The following KIF26B variants were observed in gnomAD, a reference collection of about 807,000 sequenced individuals.
The protein encoded by KIF26B is kinesin-like protein KIF26B.
In KIF26B, 63 loss-of-function variants were observed where a neutral mutation model predicts 151.2. That is an observed-to-expected ratio of 0.42 (90% CI 0.34 to 0.51). KIF26B has a LOEUF of 0.51. Ranked by LOEUF, KIF26B falls within the 20% of genes least tolerant of loss-of-function variation. The probability of loss-of-function intolerance (pLI) is 0.07; values close to 1 mark genes in which losing one functional copy is unlikely to be tolerated. For missense variants in KIF26B, 2,813 were observed against 2,913.6 expected, an observed-to-expected ratio of 0.97 and a Z score of 0.79; for synonymous variants, 1,357 against 1,262.1, an observed-to-expected ratio of 1.08 and a Z score of -1.59.
At chr1:245,638,318 C>T (rs756161831) in intron 9 of KIF26B, among the ~76,000 whole-genome samples, 10 of 151,712 alleles carry the variant, frequency 6.6e-5, no homozygotes, top group Non-Finnish European at 1.0e-4. Flanking sequence ...ACACATTTTG[C>T]GTGTTTATTT....
At chr1:245,307,009 G>C (rs1199215529) in intron 2 of KIF26B, among the ~76,000 whole-genome samples, 2 of 152,148 alleles carry the variant, frequency 1.3e-5, no homozygotes, top group Admixed American at 1.3e-4. Context: ...TTTCACAAGG[G>C]TCTTTCAAGA....
intron 3 of KIF26B, among the ~76,000 whole-genome samples, chr1:245,402,345 C>A (rs570591706): frequency 6.6e-6 from 1 of 152,322 alleles, no homozygotes; most frequent in East Asian, 1.9e-4. Flanking sequence ...TCATCTGAGT[C>A]CCTCCTGTCT....
intron 3 of KIF26B, among the ~76,000 whole-genome samples, chr1:245,414,033 A>G (rs1674357574): frequency 1.3e-5 from 2 of 152,230 alleles, no homozygotes; most frequent in South Asian, 4.1e-4. Context: ...ATCTGTATGC[A>G]TCCAGTAAAG....
intron 10 of KIF26B, among the ~76,000 whole-genome samples, chr1:245,674,420 C>T (rs938614826): frequency 2.6e-5 from 4 of 150,966 alleles, no homozygotes; most frequent in Non-Finnish European, 5.9e-5. Context: ...GGATCAAATA[C>T]GCACACATCT....
chr1:245,669,290 C>T (rs1047386593), intron 10 of KIF26B, among the ~76,000 whole-genome samples: 3 of 152,050 alleles, frequency 2.0e-5, no homozygotes, highest in Admixed American at 1.3e-4. Context: ...GGCTTCTGAA[C>T]CACAGATGCT....
At chr1:245,313,618 C>T (rs1671705329) in intron 2 of KIF26B, among the ~76,000 whole-genome samples, 1 of 152,226 alleles carries the variant, frequency 6.6e-6, no homozygotes. Context: ...TTCTGTGGAG[C>T]AGGCTCCCCT....
At chr1:245,366,794 G>A (rs757692666) in intron 2 of KIF26B, 40 bp from the exon 3 acceptor site, 3 of 1,598,020 alleles carry the variant, frequency 1.9e-6, no homozygotes, top group Non-Finnish European at 2.6e-6. Flanking sequence ...CAGCCTTGGA[G>A]TTATAGAATC....
intron 9 of KIF26B, among the ~76,000 whole-genome samples, chr1:245,637,954 A>G (rs1278599957): frequency 6.6e-6 from 1 of 151,692 alleles, no homozygotes; most frequent in East Asian, 1.9e-4. Context: ...CAGCCTGGTT[A>G]TTTTTGGTCA....
chr1:245,429,459 A>G (rs956580508), intron 4 of KIF26B, among the ~76,000 whole-genome samples: 1 of 152,172 alleles, frequency 6.6e-6, no homozygotes, highest in African/African-American at 2.4e-5. Context: ...TCGCCCTTAA[A>G]TCTCACCTGT....
At position 245,444,907 on chromosome 1, in the gene KIF26B, T is replaced by C. The variant is rs187273346; in HGVS notation, c.1166+25162T>C. On this transcript the variant is annotated intron_variant, in intron 4 of 14. Coordinates refer to ENST00000407071, the MANE Select transcript of KIF26B (RefSeq NM_018012.4). Reference sequence around the variant, plus strand: ...ACCAATAGCCACGTGTAAAAAAAATTATATAGCGTATAAACCCATAGCAGC... The same window carrying C: ...ACCAATAGCCACGTGTAAAAAAAATCATATAGCGTATAAACCCATAGCAGC... Among the ~76,000 whole-genome samples the C allele has an allele frequency of 3.3e-5, 5 of 152,226 alleles. No individual in the cohort carries two copies. In the East Asian group the frequency reaches 5.8e-4, roughly 18 times the overall value.
At chr1:245,693,279 C>T (rs1293914574) in intron 12 of KIF26B, among the ~76,000 whole-genome samples, 1 of 152,152 alleles carries the variant, frequency 6.6e-6, no homozygotes, top group Non-Finnish European at 1.5e-5. Context: ...GAAGAGAAGC[C>T]CCTCAGGGAA....
At chr1:245,624,624 A>G (rs1467355731) in intron 9 of KIF26B, among the ~76,000 whole-genome samples, 3 of 152,236 alleles carry the variant, frequency 2.0e-5, no homozygotes, top group Non-Finnish European at 4.4e-5. Flanking sequence ...AGTTTTTAAT[A>G]TATTCTGGAT....
At chr1:245,207,092 G>A (rs1573708079) in intron 2 of KIF26B, among the ~76,000 whole-genome samples, 2 of 152,268 alleles carry the variant, frequency 1.3e-5, no homozygotes, top group East Asian at 1.9e-4. Flanking sequence ...GGCAGAGAAG[G>A]GCAGAGTGGG....
intron 2 of KIF26B, among the ~76,000 whole-genome samples, chr1:245,333,481 G>A (rs539760355): frequency 1.3e-4 from 20 of 152,302 alleles, no homozygotes; most frequent in Middle Eastern, 3.4e-3. Flanking sequence ...TAGTGGGTGC[G>A]GAGTTTCAGT....
In KIF26B at chr1:245,687,359, G is replaced by A; in HGVS notation, c.4376G>A (p.Gly1459Glu). ...GAGACGGCTCATCCCAATGAAGAAG[G>A]GATGATGAGGTGTGAGACTGCCACG... is the stretch of plus-strand genomic sequence containing the variant. ...KKETAHPNEE[G>E]MMRCETATGP... is the part of the protein sequence containing the mutation. Residue 1459 changes from glycine to glutamate, a missense_variant, in exon 12 of 15, where the codon GGG becomes GAG. This residue lies in a region of KIF26B where 2,060 missense variants were observed against 2,088.6 expected (regional missense o/e 0.99). Coordinates refer to ENST00000407071, the MANE Select transcript of KIF26B (RefSeq NM_018012.4). This position sits in a 1 kb window ranked among gnomAD's most constrained non-coding sequence, Gnocchi z 4.9. The A allele has an allele frequency of 1.3e-6, 2 of 1,593,132 alleles. No homozygotes were observed. The highest frequency in any genetic ancestry group is 8.5e-7 in the Non-Finnish European group (1 of 1,170,370).
At chr1:245,537,844 A>G (rs1341861401) in intron 4 of KIF26B, among the ~76,000 whole-genome samples, 5 of 152,200 alleles carry the variant, frequency 3.3e-5, no homozygotes, top group Admixed American at 2.0e-4. Flanking sequence ...TAGATACATA[A>G]ATAAGGATTT....
At position 245,685,457 on chromosome 1, in the gene KIF26B, G is replaced by T; in HGVS notation, c.2474G>T (p.Arg825Leu). 6.2e-7 allele frequency: 1 copy of T among 1,613,626 alleles called. No individual in the cohort carries two copies. Among genetic ancestry groups the T allele is most frequent in the Non-Finnish European group, 8.5e-7 (1 of 1,179,818 alleles). Residue 825 changes from arginine (R) to leucine (L), a missense_variant, in exon 12 of 15, where the codon CGC becomes CTC. Around this residue, in one of 3 missense-constraint regions of KIF26B, gnomAD observed 2,060 missense variants for 2,088.6 expected, o/e 0.99. Transcript: ENST00000407071. ...GESSCEEGRM[R>L]RPTQLRPFHT... Reference sequence around the variant, plus strand: ...AGCTCCTGCGAAGAAGGCCGCATGCGCAGGCCCACCCAGCTGAGACCCTTC... The same window carrying T: ...AGCTCCTGCGAAGAAGGCCGCATGCTCAGGCCCACCCAGCTGAGACCCTTC...
chr1:245,400,647 T>A (rs1248070340), intron 3 of KIF26B, among the ~76,000 whole-genome samples: 3 of 152,140 alleles, frequency 2.0e-5, no homozygotes, highest in Non-Finnish European at 4.4e-5. Context: ...CATATTAGAG[T>A]TCAAAGACTT....
At chr1:245,384,748 T>C (rs1673500615) in intron 3 of KIF26B, among the ~76,000 whole-genome samples, 1 of 152,244 alleles carries the variant, frequency 6.6e-6, no homozygotes, top group Non-Finnish European at 1.5e-5. Flanking sequence ...TTAAGAAGAC[T>C]GGTAAATACC....
Sources: allele counts gnomAD v4.1 joint callset (sites outside exome capture counted in the v4.1 genomes callset), GRCh38; gene constraint gnomAD v4.1.1; regional missense constraint gnomAD v4.1.1; non-coding constraint Gnocchi (gnomAD v3.1); transcripts MANE v1.5; gene names NCBI Gene and HGNC (gene_info 2026-07-23, HGNC 2026-07-21).